Variants in RBFOX1 observed in about 807,000 individuals in gnomAD.
RBFOX1 encodes RNA binding protein fox-1 homolog 1.
In RBFOX1, 8 loss-of-function variants were observed where a neutral mutation model predicts 57.7. That is an observed-to-expected ratio of 0.14 (90% CI 0.08 to 0.25). The LOEUF is 0.25. RBFOX1 is among the 10% of genes least tolerant of loss of function. The pLI, the probability that RBFOX1 is intolerant of heterozygous loss-of-function variation, is 1.00. For missense variants in RBFOX1, 611 were observed against 548.5 expected, an observed-to-expected ratio of 1.11 and a Z score of -1.14; for synonymous variants, 326 against 222.4, an observed-to-expected ratio of 1.47 and a Z score of -4.15.
chr16:6,966,552 A>G (rs1020122299), intron 3 of RBFOX1, among the ~76,000 whole-genome samples: 3 of 152,096 alleles, frequency 2.0e-5, no homozygotes, highest in Non-Finnish European at 2.9e-5. Flanking sequence ...GAGTTATGCA[A>G]TGTCTTTGAG....
intron 3 of RBFOX1, among the ~76,000 whole-genome samples, chr16:7,019,505 C>T (rs888550190): frequency 2.8e-4 from 42 of 152,066 alleles, no homozygotes; most frequent in African/African-American, 9.9e-4. Context: ...CTTGTCTGAA[C>T]CCCTGAGCCC....
chr16:7,251,286 G>A (rs2094490823), intron 4 of RBFOX1, among the ~76,000 whole-genome samples: 1 of 152,018 alleles, frequency 6.6e-6, no homozygotes, highest in Admixed American at 6.5e-5. Context: ...TCTGTGTGTG[G>A]CTTATTTCAC....
At chr16:6,630,884 C>T (rs771449766) in intron 2 of RBFOX1, among the ~76,000 whole-genome samples, 12 of 152,082 alleles carry the variant, frequency 7.9e-5, no homozygotes, top group Non-Finnish European at 1.3e-4. Flanking sequence ...TTTGGCCAAA[C>T]AGCTATGATA....
intron 1 of RBFOX1, among the ~76,000 whole-genome samples, chr16:5,443,525 A>G (rs748655834): frequency 6.6e-6 from 1 of 152,186 alleles, no homozygotes; most frequent in Non-Finnish European, 1.5e-5. Context: ...TTTTTAATAA[A>G]GATGGGGTTT....
chr16:6,976,355 C>G (rs536221860), intron 3 of RBFOX1, among the ~76,000 whole-genome samples: 1 of 152,260 alleles, frequency 6.6e-6, no homozygotes, highest in East Asian at 1.9e-4. Context: ...TTCTAGCATT[C>G]AGTCCTATCC....
chr16:7,642,403 G>A (rs919441025), intron 11 of RBFOX1, among the ~76,000 whole-genome samples: 1 of 152,046 alleles, frequency 6.6e-6, no homozygotes, highest in African/African-American at 2.4e-5. Flanking sequence ...GCTATGGCTG[G>A]GACTGAAATG....
intron 3 of RBFOX1, among the ~76,000 whole-genome samples, chr16:6,786,525 A>G (rs1338587894): frequency 3.9e-5 from 6 of 152,194 alleles, no homozygotes; most frequent in Non-Finnish European, 7.3e-5. Context: ...CATTTCAGAC[A>G]GAGTTCAGAG....
chr16:7,619,081 T>C (rs1485657469), intron 10 of RBFOX1, among the ~76,000 whole-genome samples: 1 of 152,228 alleles, frequency 6.6e-6, no homozygotes, highest in African/African-American at 2.4e-5. Context: ...ACGGCTGTTA[T>C]TTTGTTGAGA....
chr16:6,902,289 C>A lies in RBFOX1; in HGVS notation c.-15-149768C>A, dbSNP rs562414443. ...GTTTTTGTTTCCACTGTGTTCCTTA[C>A]AACTGAAATGGAAAGCTACTCTTAC... On this transcript the variant is annotated intron_variant, in intron 3 of 15. Transcript: ENST00000550418. Among the ~76,000 whole-genome samples, 7 of 152,212 alleles carry A rather than the reference C, an allele frequency of 4.6e-5. No homozygotes were observed. In the East Asian group the frequency reaches 5.8e-4, roughly 13 times the overall value.
chr16:6,620,127 A>G (rs1389488655), intron 2 of RBFOX1, among the ~76,000 whole-genome samples: 1 of 152,152 alleles, frequency 6.6e-6, no homozygotes, highest in African/African-American at 2.4e-5. Context: ...CATTTAGGTT[A>G]AACTGAAATC....
chr16:5,625,746 C>CA (rs1025980600), intron 3 of RBFOX1, among the ~76,000 whole-genome samples: 44 of 151,928 alleles, frequency 2.9e-4, no homozygotes, highest in African/African-American at 1.0e-3. Context: ...TTGGTAGAGA[C>CA]AGGGTTTCAT....
At chr16:5,977,633 G>A (rs1486824878) in intron 4 of RBFOX1, among the ~76,000 whole-genome samples, 2 of 152,096 alleles carry the variant, frequency 1.3e-5, no homozygotes, top group South Asian at 2.1e-4. Flanking sequence ...TGAGAGGGGA[G>A]AGCAGCCACA....
intron 1 of RBFOX1, among the ~76,000 whole-genome samples, chr16:5,424,823 C>T (rs959931396): frequency 5.3e-5 from 8 of 151,324 alleles, no homozygotes; most frequent in East Asian, 3.9e-4. Context: ...CTTCTCCTCT[C>T]CTCTCCTCTC....
chr16:7,320,848 A>G (rs2096532316), intron 4 of RBFOX1, among the ~76,000 whole-genome samples: 1 of 152,234 alleles, frequency 6.6e-6, no homozygotes, highest in African/African-American at 2.4e-5. Flanking sequence ...GGGGAGTGTT[A>G]TTGCCCCAAA....
At chr16:6,914,410 AAG>A (rs2072553972) in intron 3 of RBFOX1, among the ~76,000 whole-genome samples, 1 of 152,156 alleles carries the variant, frequency 6.6e-6, no homozygotes, top group Non-Finnish European at 1.5e-5. Flanking sequence ...TTAAAAGAGG[AAG>A]AGAGAAGAGA....
intron 3 of RBFOX1, among the ~76,000 whole-genome samples, chr16:7,017,048 T>C (rs1457821569): frequency 6.6e-6 from 1 of 152,210 alleles, no homozygotes; most frequent in Non-Finnish European, 1.5e-5. Context: ...AGCCTCTTTC[T>C]CTTTTTTTAT....
In RBFOX1 at chr16:6,636,976, A is replaced by G. The variant is rs189236543; in HGVS notation, c.-63-17627A>G. ...TAAAATATGTATATTATGTATATTT[A>G]TGTATATGTATCATTATGTATAAAA... On this transcript the variant is annotated intron_variant, in intron 2 of 15. Coordinates refer to ENST00000550418, the MANE Select transcript of RBFOX1 (RefSeq NM_018723.4). Among the ~76,000 whole-genome samples, 598 of 127,326 alleles carry G rather than the reference A, an allele frequency of 4.7e-3. 3 individuals carry two copies. Among genetic ancestry groups the G allele is most frequent in the African/African-American group, 0.017 (568 of 32,484 alleles). 83.5% of individuals were successfully genotyped at this position (127,326 alleles called of 152,430 possible). A position where few individuals can be genotyped will look rare whatever the true frequency, so the allele number is the denominator to read the frequency against.
chr16:6,951,459 T>C (rs563619754), intron 3 of RBFOX1, among the ~76,000 whole-genome samples: 13 of 152,258 alleles, frequency 8.5e-5, no homozygotes, highest in African/African-American at 3.1e-4. Context: ...AATCAGGAGC[T>C]TTTATATAGT....
chr16:6,810,123 C>T (rs550697466), intron 3 of RBFOX1, among the ~76,000 whole-genome samples: 1 of 151,646 alleles, frequency 6.6e-6, no homozygotes, highest in East Asian at 1.9e-4. Flanking sequence ...CAACATTTAC[C>T]AACAAATATG....
Sources: allele counts gnomAD v4.1 joint callset (sites outside exome capture counted in the v4.1 genomes callset), GRCh38; gene constraint gnomAD v4.1.1; transcripts MANE v1.5; gene names NCBI Gene and HGNC (gene_info 2026-07-23, HGNC 2026-07-21).